SYT13: variants seen among roughly 807,000 people sequenced by gnomAD.
SYT13 encodes synaptotagmin-13.
Under a neutral mutation model 38.6 loss-of-function variants are expected in SYT13, and 21 were observed. The observed-to-expected ratio is 0.54, with a 90% CI of 0.39 to 0.78. SYT13 has a LOEUF of 0.78. Ranked by LOEUF, SYT13 falls within the 30% of genes least tolerant of loss-of-function variation. The pLI is 0.00. For synonymous variants in SYT13, 241 were observed against 237.6 expected (o/e 1.01, Z -0.13); for missense variants, 495 against 548.7 (o/e 0.90, Z 0.98).
intron 1 of SYT13, among the ~76,000 whole-genome samples, chr11:45,268,399 G>C (rs1854910153): frequency 6.6e-6 from 1 of 151,500 alleles, no homozygotes; most frequent in Admixed American, 6.6e-5. Context: ...GGTGGGGGGT[G>C]GGGGTGGGGC....
intron 3 of SYT13, 128 bp downstream of exon 3, chr11:45,254,142 C>A: frequency 9.3e-7 from 1 of 1,070,302 alleles, no homozygotes. Context: ...TCCATGTGTT[C>A]CAGGGTCTGG....
chr11:45,269,336 A>C (rs1565391385), intron 1 of SYT13: 7 of 808,470 alleles, frequency 8.7e-6, no homozygotes, highest in Admixed American at 9.5e-5. Context: ...AACAAACAAA[A>C]AAACAAAACA....
intron 2 of SYT13, 52 bp downstream of exon 2, chr11:45,255,614 A>G: frequency 6.5e-7 from 1 of 1,549,174 alleles, no homozygotes; most frequent in South Asian, 1.2e-5. Context: ...AGACATTGAC[A>G]AGCCCCACTG....
chr11:45,279,720 T>C (rs1855049921), intron 1 of SYT13, among the ~76,000 whole-genome samples: 1 of 152,234 alleles, frequency 6.6e-6, no homozygotes, highest in African/African-American at 2.4e-5. Flanking sequence ...TGGTGGTTTA[T>C]ATGAATGGGT....
intron 1 of SYT13, among the ~76,000 whole-genome samples, chr11:45,266,574 A>G (rs7940907): frequency 0.78 from 118,334 of 151,836 alleles, 47,171 homozygotes; most frequent in Non-Finnish European, 0.87. Context: ...CATTAAGTCC[A>G]TTACATCAAG....
intron 1 of SYT13, among the ~76,000 whole-genome samples, chr11:45,276,300 G>T (rs1319599039): frequency 2.0e-5 from 3 of 152,132 alleles, no homozygotes; most frequent in Non-Finnish European, 4.4e-5. Context: ...GATGAAGCTG[G>T]AAACTATCAT....
intron 1 of SYT13, chr11:45,269,443 T>G (rs1854922972): frequency 1.6e-6 from 2 of 1,272,056 alleles, no homozygotes; most frequent in East Asian, 1.2e-4. Flanking sequence ...CCCTGCATTA[T>G]TTCAGCAGTC....
In SYT13 at chr11:45,243,383, C is replaced by A. The variant is rs1248058059; in HGVS notation, c.*669G>T. 6.6e-6 allele frequency: 1 copy of A among 152,182 alleles called. No homozygotes were observed. The highest frequency in any genetic ancestry group is 1.5e-5 in the Non-Finnish European group (1 of 68,028). 9.4% of individuals were successfully genotyped at this position (152,182 alleles called of 1,614,324 possible). On this transcript the variant is annotated 3_prime_UTR_variant, in exon 6 of 6. Transcript: ENST00000020926. ...TGGCTGCACCATGGTTTTGGGACTC[C>A]ATCAAGGACTGTGGCCAAAAACCTG... is the stretch of plus-strand genomic sequence containing the variant.
At position 45,255,873 on chromosome 11, in the gene SYT13, T is replaced by C. The variant is rs372445793; in HGVS notation, c.202A>G (p.Thr68Ala). The change falls in exon 2 of 6, where the codon ACG (threonine) becomes GCG (alanine). Residue 68 changes from threonine (T) to alanine (A), a missense_variant. By Grantham distance (58) the Thr-to-Ala change is moderately conservative (BLOSUM62 0). Coordinates refer to ENST00000020926, the MANE Select transcript of SYT13 (RefSeq NM_020826.3). ...AGGGCACGGGGCTGAACAGGTTCCG[T>C]GGACTTTTTAACATTGAACTGCAAA... ...SAQQFNVKKS[T>A]EPVQPRALLK... 1.9e-6 allele frequency: 3 copies of C among 1,614,002 alleles called. No homozygotes were observed. The highest frequency in any genetic ancestry group is 2.2e-5 in the East Asian group (1 of 44,882).
At chr11:45,262,639 T>C (rs576896016) in intron 1 of SYT13, among the ~76,000 whole-genome samples, 1 of 151,100 alleles carries the variant, frequency 6.6e-6, no homozygotes, top group South Asian at 2.1e-4. Flanking sequence ...GGTGGGAGGA[T>C]CACTTGAACC....
rs1304999756 is a variant in SYT13, at chr11:45,286,010, G to T, written c.183+15C>A. ...CGCCTTGCCCGGGAAGGGCCTGCGC[G>T]CCGCCCCCGCTCACCTGTTGTGCAG... On this transcript the variant is annotated intron_variant, in intron 1 of 5. Transcript: ENST00000020926. 1.9e-6 allele frequency: 3 copies of T among 1,600,552 alleles called. No homozygotes were observed. The Admixed American group carries it at 5.1e-5, about 27-fold the overall frequency.
At position 45,255,826 on chromosome 11, in the gene SYT13, A is replaced by G. The variant is rs750623454; in HGVS notation, c.249T>C (p.Tyr83=). ...PRALLKFPDI[Y]GPRPAVTAPE... is the part of the protein sequence containing the mutation. The stretch of plus-strand genomic sequence containing the variant: ...GAGCCGTCACAGCTGGCCTGGGTCC[A>G]TAGATGTCTGGGAACTTGAGGAGGG... The change falls in exon 2 of 6, where the codon TAT becomes TAC. Residue 83 remains tyrosine, a synonymous_variant. Transcript: ENST00000020926. 4 of 1,614,046 alleles carry G rather than the reference A, an allele frequency of 2.5e-6. No individual in the cohort carries two copies. The highest frequency in any genetic ancestry group is 1.3e-5 in the African/African-American group (1 of 74,904).
At chr11:45,285,884 C>G in intron 1 of SYT13, 141 bp downstream of exon 1, 1 of 790,764 alleles carries the variant, frequency 1.3e-6, no homozygotes, top group South Asian at 1.4e-5. Context: ...CTTGACCTGT[C>G]CTCCAACGCG....
At chr11:45,284,560 G>T (rs1344483738) in intron 1 of SYT13, among the ~76,000 whole-genome samples, 1 of 152,126 alleles carries the variant, frequency 6.6e-6, no homozygotes, top group Non-Finnish European at 1.5e-5. Context: ...CAGCCGTTCT[G>T]TGGGCTACTG....
Position 45,243,907 on chromosome 11 carries a change from C to G in SYT13, c.*145G>C. The G allele has an allele frequency of 1.2e-6, 1 of 823,308 alleles. No individual in the cohort carries two copies. The highest frequency in any genetic ancestry group is 1.9e-6 in the Non-Finnish European group (1 of 523,498). The allele number at this position is 823,308 out of a possible 1,614,324, so 51.0% of individuals were successfully genotyped here. ...CTCTGTCTTGCTTATTTCTAAGAAA[C>G]AAGAGTATGATGAGAGAGCCATCCC... On this transcript the variant is annotated 3_prime_UTR_variant, in exon 6 of 6. Coordinates refer to ENST00000020926, the MANE Select transcript of SYT13 (RefSeq NM_020826.3).
rs767294166 is a variant in SYT13 at position 45,252,736 on chromosome 11, GAAC to G, written c.545-17_545-15del. The G allele has an allele frequency of 1.1e-5, 17 of 1,556,900 alleles. No individual in the cohort carries two copies. The highest frequency in any genetic ancestry group is 1.4e-5 in the African/African-American group (1 of 73,962). On this transcript the variant is annotated splice_polypyrimidine_tract_variant and intron_variant, in intron 3 of 5. Transcript: ENST00000020926. This position sits in a 1 kb window ranked among gnomAD's most constrained non-coding sequence, Gnocchi z 4.3. ...TGCTGGTCACAGCTGCAGGCAAGGA[GAAC>G]AACACAGGCGTGGGACTTTCTGAGG...
chr11:45,273,009 G>T (rs797011657), intron 1 of SYT13, among the ~76,000 whole-genome samples: 135 of 152,298 alleles, frequency 8.9e-4, no homozygotes, highest in African/African-American at 3.2e-3. Context: ...ATTAGGGTTG[G>T]TAATAATAGC....
chr11:45,243,253 G>A lies in SYT13; in HGVS notation c.*799C>T, dbSNP rs1353741750. 1 of 152,020 alleles carries A rather than the reference G, an allele frequency of 6.6e-6. No homozygotes were observed. Among genetic ancestry groups the A allele is most frequent in the Non-Finnish European group, 1.5e-5 (1 of 67,998 alleles). 9.4% of individuals were successfully genotyped at this position (152,020 alleles called of 1,614,324 possible). ...CACAAAATTCAGTCCAAGAGCAGGG[G>A]GCTTATGAAATGCACAAATTAAAGT... is the stretch of plus-strand genomic sequence containing the variant. On this transcript the variant is annotated 3_prime_UTR_variant, in exon 6 of 6. Coordinates refer to ENST00000020926, the MANE Select transcript of SYT13 (RefSeq NM_020826.3).
chr11:45,250,699 T>C (rs143471809), intron 4 of SYT13, among the ~76,000 whole-genome samples: 1 of 152,186 alleles, frequency 6.6e-6, no homozygotes, highest in South Asian at 2.1e-4. Context: ...AGAGTGGCTG[T>C]GATTTTTCTA....
Sources: allele counts gnomAD v4.1 joint callset (sites outside exome capture counted in the v4.1 genomes callset), GRCh38; gene constraint gnomAD v4.1.1; non-coding constraint Gnocchi (gnomAD v3.1); transcripts MANE v1.5; gene names NCBI Gene and HGNC (gene_info 2026-07-23, HGNC 2026-07-21).